ZRANB3: variants seen among roughly 807,000 people sequenced by gnomAD.
ZRANB3 encodes zinc finger RANBP2-type containing 3.
Under a neutral mutation model 133.8 loss-of-function variants are expected in ZRANB3, and 125 were observed. That is an observed-to-expected ratio of 0.93 (90% CI 0.81 to 1.08). ZRANB3 has a LOEUF of 1.08. Among genes scored for constraint, ZRANB3 ranks in the 50% least tolerant of loss-of-function variants. The pLI is 0.00. For synonymous variants in ZRANB3, 387 were observed against 432.7 expected (o/e 0.89, Z 1.31); for missense variants, 1,229 against 1,275.5 (o/e 0.96, Z 0.56).
intron 2 of ZRANB3, among the ~76,000 whole-genome samples, chr2:135,395,802 A>G (rs1169047233): frequency 6.6e-6 from 1 of 152,102 alleles, no homozygotes; most frequent in East Asian, 1.9e-4. Context: ...CAGGCAACCA[A>G]ATAAAATGGA....
intron 2 of ZRANB3, among the ~76,000 whole-genome samples, chr2:135,430,143 T>G (rs1689255355): frequency 6.6e-6 from 1 of 151,884 alleles, no homozygotes; most frequent in Admixed American, 6.6e-5. Context: ...ACCACTGCGT[T>G]CCAGCATGCG....
intron 2 of ZRANB3, among the ~76,000 whole-genome samples, chr2:135,485,130 G>GAAACA (rs1253850492): frequency 6.6e-6 from 1 of 151,080 alleles, no homozygotes; most frequent in African/African-American, 2.4e-5. Context: ...ACATCTCAGA[G>GAAACA]AAACAAAACA....
At chr2:135,375,468 G>A (rs946015275) in intron 3 of ZRANB3, among the ~76,000 whole-genome samples, 7 of 152,024 alleles carry the variant, frequency 4.6e-5, no homozygotes, top group Admixed American at 6.6e-5. Flanking sequence ...GGCAGATCAC[G>A]AGCTCAGGAG....
At chr2:135,228,429 G>A (rs1694850741) in intron 13 of ZRANB3, 1 of 156,516 alleles carries the variant, frequency 6.4e-6, no homozygotes, top group Admixed American at 6.4e-5. Flanking sequence ...GCTCTAGGAA[G>A]CTTGGACTCG....
chr2:135,424,459 G>A (rs1318106798), intron 2 of ZRANB3, among the ~76,000 whole-genome samples: 15 of 152,198 alleles, frequency 9.9e-5, no homozygotes, highest in African/African-American at 2.9e-4. Context: ...TAGGCTGGGC[G>A]CAGTGGCTCA....
intron 8 of ZRANB3, among the ~76,000 whole-genome samples, chr2:135,279,597 T>A (rs940258462): frequency 3.3e-5 from 5 of 152,194 alleles, no homozygotes; most frequent in African/African-American, 1.2e-4. Context: ...ATATAATTGC[T>A]AAACCTCTAG....
Position 135,330,463 on chromosome 2 carries a change from T to C in ZRANB3, c.678-14933A>G, listed in dbSNP as rs142129729. On this transcript the variant is annotated intron_variant, in intron 6 of 20. Transcript: ENST00000264159. ...GCTGCTGGATTGTTTGCCAGTATTT[T>C]ATTAAGGATTTTCGCATCGATGTTC... 6.1e-3 allele frequency among the ~76,000 whole-genome samples: 929 copies of C among 152,320 alleles called. 8 individuals carry two copies. The highest frequency in any genetic ancestry group is 0.042 in the South Asian group (201 of 4,826).
intron 3 of ZRANB3, among the ~76,000 whole-genome samples, chr2:135,365,055 A>G (rs1040348499): frequency 1.3e-5 from 2 of 151,000 alleles, no homozygotes; most frequent in Non-Finnish European, 3.0e-5. Flanking sequence ...AAAAAAAAAA[A>G]TAAATAAAAT....
chr2:135,296,131 C>T (rs1682070634), intron 8 of ZRANB3, among the ~76,000 whole-genome samples: 2 of 152,206 alleles, frequency 1.3e-5, no homozygotes, highest in African/African-American at 4.8e-5. Context: ...GCCTGCCTTG[C>T]TAGATTGGGG....
intron 2 of ZRANB3, among the ~76,000 whole-genome samples, chr2:135,430,836 G>A (rs964465492): frequency 1.3e-5 from 2 of 151,990 alleles, no homozygotes; most frequent in Non-Finnish European, 1.5e-5. Context: ...TTCAACAAAC[G>A]GTGACAGAAT....
chr2:135,221,106 C>T (rs1694537050), intron 15 of ZRANB3, among the ~76,000 whole-genome samples: 1 of 152,092 alleles, frequency 6.6e-6, no homozygotes, highest in Non-Finnish European at 1.5e-5. Context: ...ATCCGCCTGC[C>T]TCGGCCTCCC....
At chr2:135,311,175 C>G (rs1682950860) in intron 8 of ZRANB3, among the ~76,000 whole-genome samples, 1 of 151,934 alleles carries the variant, frequency 6.6e-6, no homozygotes, top group South Asian at 2.1e-4. Context: ...AGATACTTCA[C>G]AAAAGAAAAT....
At chr2:135,500,050 A>G (rs968694843) in intron 2 of ZRANB3, among the ~76,000 whole-genome samples, 1 of 152,194 alleles carries the variant, frequency 6.6e-6, no homozygotes, top group Non-Finnish European at 1.5e-5. Flanking sequence ...ACAAGTCAAG[A>G]AAGAGAGCCC....
chr2:135,374,779 G>A lies in ZRANB3; in HGVS notation c.180+16023C>T, dbSNP rs141686124. On this transcript the variant is annotated intron_variant, in intron 3 of 20. Coordinates refer to ENST00000264159, the MANE Select transcript of ZRANB3 (RefSeq NM_032143.4). Reference sequence around the variant, plus strand: ...GGCCTCCCAAAGTGCTGAGATTATAGGAGTGAGCCACCGTGCCCGACCTAA... The same window carrying A: ...GGCCTCCCAAAGTGCTGAGATTATAAGAGTGAGCCACCGTGCCCGACCTAA... 3.0e-3 allele frequency among the ~76,000 whole-genome samples: 454 copies of A among 152,186 alleles called. 2 individuals are homozygous for A. Among genetic ancestry groups the A allele is most frequent in the African/African-American group, 0.01 (430 of 41,530 alleles).
chr2:135,426,286 AAC>A (rs1208978638), intron 2 of ZRANB3, among the ~76,000 whole-genome samples: 3 of 152,008 alleles, frequency 2.0e-5, no homozygotes, highest in Admixed American at 1.3e-4. Context: ...TTCCTACTAA[AAC>A]TATACCAAAA....
At chr2:135,376,181 T>C (rs1251851294) in intron 3 of ZRANB3, among the ~76,000 whole-genome samples, 1 of 152,146 alleles carries the variant, frequency 6.6e-6, no homozygotes. Context: ...ATGGAACAGA[T>C]TATCCCTCGG....
intron 13 of ZRANB3, among the ~76,000 whole-genome samples, chr2:135,230,232 G>A (rs963847771): frequency 6.6e-6 from 1 of 152,208 alleles, no homozygotes; most frequent in African/African-American, 2.4e-5. Context: ...CCTGCTCACT[G>A]AATTCATATC....
intron 2 of ZRANB3, among the ~76,000 whole-genome samples, chr2:135,493,707 T>C (rs1692522844): frequency 6.6e-6 from 1 of 152,122 alleles, no homozygotes; most frequent in Non-Finnish European, 1.5e-5. Flanking sequence ...AACTCTCATA[T>C]ATTGTTGACA....
chr2:135,495,677 C>G (rs931195154), intron 2 of ZRANB3, among the ~76,000 whole-genome samples: 1 of 151,912 alleles, frequency 6.6e-6, no homozygotes, highest in Non-Finnish European at 1.5e-5. Flanking sequence ...AATACAGCAC[C>G]AAGTAACTAT....
Sources: allele counts gnomAD v4.1 joint callset (sites outside exome capture counted in the v4.1 genomes callset), GRCh38; gene constraint gnomAD v4.1.1; transcripts MANE v1.5; gene names NCBI Gene and HGNC (gene_info 2026-07-23, HGNC 2026-07-21).